NR3C2: variants seen among roughly 807,000 people sequenced by gnomAD.
NR3C2 encodes nuclear receptor subfamily 3 group C member 2, also known as mineralocorticoid receptor.
Under a neutral mutation model 86.4 loss-of-function variants are expected in NR3C2, and 15 were observed. The ratio of observed to expected loss-of-function variants is 0.17; its 90% CI spans 0.12 to 0.27. The LOEUF is 0.27. Among genes scored for constraint, NR3C2 ranks in the 10% least tolerant of loss-of-function variants. The pLI, the probability that NR3C2 is intolerant of heterozygous loss-of-function variation, is 1.00. For synonymous variants in NR3C2, 458 were observed against 450.5 expected, an observed-to-expected ratio of 1.02 and a Z score of -0.21; for missense variants, 960 against 1,195.6, an observed-to-expected ratio of 0.80 and a Z score of 2.91.
chr4:148,346,419 G>T (rs781428143), intron 2 of NR3C2, among the ~76,000 whole-genome samples: 1 of 152,066 alleles, frequency 6.6e-6, no homozygotes, highest in Non-Finnish European at 1.5e-5. Context: ...TGAGCAGGCT[G>T]GGCGAAGGAA....
intron 3 of NR3C2, among the ~76,000 whole-genome samples, chr4:148,223,928 A>G (rs1738001045): frequency 6.6e-6 from 1 of 152,196 alleles, no homozygotes; most frequent in African/African-American, 2.4e-5. Flanking sequence ...TAGGCATGGG[A>G]AGATCCTATA....
chr4:148,173,419 T>G (rs1468612682), intron 4 of NR3C2, among the ~76,000 whole-genome samples: 1 of 152,030 alleles, frequency 6.6e-6, no homozygotes. Flanking sequence ...AAGGGAGATG[T>G]GATGATGGAA....
At chr4:148,107,880 A>G (rs1731873962) in intron 8 of NR3C2, among the ~76,000 whole-genome samples, 1 of 152,210 alleles carries the variant, frequency 6.6e-6, no homozygotes, top group South Asian at 2.1e-4. Flanking sequence ...GAGCATTAGG[A>G]CAAACACCTA....
At chr4:148,140,303 A>G (rs1035880269) in intron 6 of NR3C2, among the ~76,000 whole-genome samples, 1 of 152,236 alleles carries the variant, frequency 6.6e-6, no homozygotes, top group Non-Finnish European at 1.5e-5. Flanking sequence ...CAGGAGTTCA[A>G]TGTTACGATG....
chr4:148,196,021 A>G (rs1421138167), intron 3 of NR3C2, among the ~76,000 whole-genome samples: 6 of 152,198 alleles, frequency 3.9e-5, no homozygotes, highest in Non-Finnish European at 8.8e-5. Flanking sequence ...AACTGACTGC[A>G]GTGGACTAAG....
chr4:148,358,547 A>T (rs989188069), intron 2 of NR3C2, among the ~76,000 whole-genome samples: 2 of 151,686 alleles, frequency 1.3e-5, no homozygotes, highest in Non-Finnish European at 2.9e-5. Context: ...GATGCAGCGC[A>T]CCAGCATGGC....
chr4:148,296,504 C>T (rs1229005503), intron 2 of NR3C2, among the ~76,000 whole-genome samples: 6 of 151,966 alleles, frequency 3.9e-5, no homozygotes, highest in Admixed American at 6.6e-5. Flanking sequence ...TGAAACCAAA[C>T]GACTTCATCC....
chr4:148,441,718 C>G (rs1162943313), intron 1 of NR3C2, among the ~76,000 whole-genome samples: 1 of 152,190 alleles, frequency 6.6e-6, no homozygotes, highest in Non-Finnish European at 1.5e-5. Flanking sequence ...ATTTCCAGAG[C>G]CCCTTTTATA....
At chr4:148,251,601 C>G (rs1192900505) in intron 3 of NR3C2, among the ~76,000 whole-genome samples, 3 of 152,078 alleles carry the variant, frequency 2.0e-5, no homozygotes, top group African/African-American at 7.2e-5. Flanking sequence ...GTTCTCTGAG[C>G]CTGATAGGCT....
chr4:148,305,805 C>T (rs1015926267), intron 2 of NR3C2, among the ~76,000 whole-genome samples: 10 of 152,158 alleles, frequency 6.6e-5, no homozygotes, highest in African/African-American at 9.7e-5. Flanking sequence ...AACAGGTGGA[C>T]GTTCTCTCAG....
chr4:148,259,731 CTG>C (rs774193649), intron 3 of NR3C2, among the ~76,000 whole-genome samples: 9 of 152,146 alleles, frequency 5.9e-5, no homozygotes, highest in Non-Finnish European at 1.2e-4. Flanking sequence ...GAAAAACAAA[CTG>C]TGACAAACAA....
At chr4:148,097,741 G>GTTTTTTTTTTTTTTTTTTTTTTT (rs1180902227) in intron 8 of NR3C2, among the ~76,000 whole-genome samples, 1 of 107,504 alleles carries the variant, frequency 9.3e-6, no homozygotes. Flanking sequence ...ACTTTTTTGC[G>GTTTTTTTTTTTTTTTTTTTTTTT]TTTTTTTTTG....
intron 4 of NR3C2, among the ~76,000 whole-genome samples, chr4:148,174,538 G>T (rs899110839): frequency 6.6e-6 from 1 of 152,212 alleles, no homozygotes; most frequent in Non-Finnish European, 1.5e-5. Flanking sequence ...CTGATGACCA[G>T]CACGAGCAAA....
chr4:148,410,123 T>A (rs1748622917), intron 2 of NR3C2, among the ~76,000 whole-genome samples: 3 of 152,186 alleles, frequency 2.0e-5, no homozygotes. Flanking sequence ...TTTGAATTGT[T>A]AAATTCAAAA....
At chr4:148,117,385 G>A (rs1444196480) in intron 7 of NR3C2, among the ~76,000 whole-genome samples, 1 of 152,080 alleles carries the variant, frequency 6.6e-6, no homozygotes, top group Non-Finnish European at 1.5e-5. Flanking sequence ...CTCTGCCCTC[G>A]CTGCTGCCAT....
At chr4:148,396,611 T>A (rs553760810) in intron 2 of NR3C2, among the ~76,000 whole-genome samples, 11 of 152,216 alleles carry the variant, frequency 7.2e-5, no homozygotes, top group Non-Finnish European at 1.5e-4. Flanking sequence ...ATACCATGAC[T>A]TGGGATGTTT....
At chr4:148,132,693 C>T (rs6535583) in intron 6 of NR3C2, among the ~76,000 whole-genome samples, 27,048 of 152,076 alleles carry the variant, frequency 0.18, 2,981 homozygotes, top group Middle Eastern at 0.31. Flanking sequence ...TTGCTTATTC[C>T]GAGAAATTTT....
At chr4:148,115,289 T>C (rs1478187542) in intron 7 of NR3C2, among the ~76,000 whole-genome samples, 1 of 152,200 alleles carries the variant, frequency 6.6e-6, no homozygotes, top group African/African-American at 2.4e-5. Context: ...TCCCAGGACA[T>C]TTGTGAACGT....
intron 2 of NR3C2, among the ~76,000 whole-genome samples, chr4:148,391,495 A>G (rs1034122849): frequency 2.0e-5 from 3 of 152,236 alleles, no homozygotes; most frequent in Admixed American, 6.5e-5. Flanking sequence ...GAGAAAGGAA[A>G]GAAAGCCATG....
Sources: gnomAD v4.1 joint callset for allele counts (sites outside exome capture counted in the v4.1 genomes callset) on GRCh38, gnomAD v4.1.1 for gene constraint, MANE v1.5 for transcripts, NCBI Gene and HGNC (gene_info 2026-07-23, HGNC 2026-07-21) for gene names.